STXBP5: variants seen among roughly 807,000 people sequenced by gnomAD.
STXBP5 encodes the protein syntaxin-binding protein 5.
A neutral mutation model predicts 152.4 loss-of-function variants in STXBP5; 50 were observed. That is an observed-to-expected ratio of 0.33 (90% CI 0.26 to 0.42). The LOEUF is 0.42. STXBP5 is among the 10% of genes least tolerant of loss of function. The pLI is 1.00. For missense variants in STXBP5, 1,167 were observed against 1,388.6 expected (o/e 0.84, Z 2.54); for synonymous variants, 492 against 494.7 (o/e 0.99, Z 0.07).
intron 2 of STXBP5, among the ~76,000 whole-genome samples, chr6:147,222,679 T>C (rs1373996116): frequency 6.6e-6 from 1 of 152,250 alleles, no homozygotes; most frequent in African/African-American, 2.4e-5. Context: ...GTCCTTGTTG[T>C]TAAGAACAGA....
chr6:147,239,564 T>C (rs1778438101), intron 4 of STXBP5, among the ~76,000 whole-genome samples: 1 of 152,214 alleles, frequency 6.6e-6, no homozygotes, highest in Non-Finnish European at 1.5e-5. Flanking sequence ...GGGAAGCTAT[T>C]ACATATTCTT....
intron 8 of STXBP5, among the ~76,000 whole-genome samples, chr6:147,279,620 A>G (rs763366945): frequency 2.2e-4 from 33 of 152,252 alleles, no homozygotes; most frequent in African/African-American, 2.6e-4. Flanking sequence ...TGTGACAGCA[A>G]TCATCTTCTG....
chr6:147,273,184 C>G lies in STXBP5; in HGVS notation c.715-4897C>G, dbSNP rs533931068. Among the ~76,000 whole-genome samples the G allele has an allele frequency of 5.9e-5, 3 of 50,440 alleles. No homozygotes were observed. The South Asian group carries it at 1.9e-3, about 32-fold the overall frequency. The allele number at this position is 50,440 out of a possible 152,430, so 33.1% of individuals were successfully genotyped here. On this transcript the variant is annotated intron_variant, in intron 7 of 27. Transcript: ENST00000321680. ...CATGGGCAACATAGCAAGACCCTGC[C>G]TCTAAAAAAGTAAAAAAAAAAAAAT... is the stretch of plus-strand genomic sequence containing the variant.
At chr6:147,240,446 T>A (rs1360248942) in intron 4 of STXBP5, among the ~76,000 whole-genome samples, 2 of 152,182 alleles carry the variant, frequency 1.3e-5, no homozygotes, top group Admixed American at 6.5e-5. Context: ...CAATCTTTTT[T>A]AATATATATT....
chr6:147,322,004 A>G (rs1408428382), intron 16 of STXBP5, among the ~76,000 whole-genome samples: 2 of 152,218 alleles, frequency 1.3e-5, no homozygotes, highest in Non-Finnish European at 2.9e-5. Flanking sequence ...AACTAAAATA[A>G]GAATTCCATG....
At chr6:147,364,676 CT>C (rs1215471954) in intron 25 of STXBP5, among the ~76,000 whole-genome samples, 1 of 151,966 alleles carries the variant, frequency 6.6e-6, no homozygotes, top group African/African-American at 2.4e-5. Flanking sequence ...GAAATGTGTC[CT>C]TTTTTAAGTA....
chr6:147,348,966 CT>C (rs1355407507), intron 21 of STXBP5, among the ~76,000 whole-genome samples: 5 of 152,014 alleles, frequency 3.3e-5, no homozygotes, highest in Admixed American at 1.3e-4. Context: ...AATGTTGCTT[CT>C]GACTATGGGC....
rs771055219 is a variant in STXBP5, at chr6:147,359,157, G to A, written c.2379G>A (p.Ala793=). ...VTSIDKESRE[A]ISALHFCETF... The stretch of plus-strand genomic sequence containing the variant: ...GCATTGACAAAGAATCCCGAGAAGC[G>A]ATCTCCGCTCTTCATTTCTGTGAAA... The change falls in exon 23 of 28, where the codon GCG becomes GCA. Residue 793 remains alanine (A), a synonymous_variant. Transcript: ENST00000321680. The A allele has an allele frequency of 1.1e-5, 17 of 1,613,886 alleles. No individual in the cohort carries two copies. The highest frequency in any genetic ancestry group is 1.6e-4 in the Middle Eastern group (1 of 6,082).
chr6:147,364,625 G>T (rs1172572327), intron 25 of STXBP5, among the ~76,000 whole-genome samples: 2 of 152,136 alleles, frequency 1.3e-5, no homozygotes, highest in African/African-American at 4.8e-5. Flanking sequence ...TATGTTGGTT[G>T]ATCTGTTTTT....
At chr6:147,384,183 T>A (rs1240822232) in intron 27 of STXBP5, among the ~76,000 whole-genome samples, 5 of 152,152 alleles carry the variant, frequency 3.3e-5, no homozygotes, top group African/African-American at 1.2e-4. Context: ...TTAGACTGCA[T>A]GGGCACAAAT....
chr6:147,282,166 G>A (rs748750947), intron 8 of STXBP5, among the ~76,000 whole-genome samples: 2 of 152,190 alleles, frequency 1.3e-5, no homozygotes, highest in Non-Finnish European at 2.9e-5. Context: ...GAATGGATTA[G>A]TGAACCCCCA....
intron 18 of STXBP5, 134 bp from the exon 19 acceptor site, chr6:147,334,023 G>C (rs901620522): frequency 1.4e-6 from 1 of 696,530 alleles, no homozygotes; most frequent in South Asian, 2.5e-5. Context: ...AATGTGCATG[G>C]TATCAGTACC....
At chr6:147,335,871 A>G (rs1783801821) in intron 19 of STXBP5, among the ~76,000 whole-genome samples, 1 of 152,256 alleles carries the variant, frequency 6.6e-6, no homozygotes, top group Non-Finnish European at 1.5e-5. Context: ...GAGAAACTCA[A>G]ACATGGTTCA....
chr6:147,362,097 C>T (rs1332148611), intron 23 of STXBP5, among the ~76,000 whole-genome samples: 1 of 151,910 alleles, frequency 6.6e-6, no homozygotes, highest in African/African-American at 2.4e-5. Context: ...GCTTTTGGGA[C>T]ATACTTATAC....
Position 147,349,102 on chromosome 6 carries a change from T to C in STXBP5, c.2255-4221T>C, listed in dbSNP as rs562558873. 2.0e-5 allele frequency among the ~76,000 whole-genome samples: 3 copies of C among 152,168 alleles called. No individual in the cohort carries two copies. The South Asian group carries it at 6.2e-4, about 32-fold the overall frequency. ...GATACAGTAAGAGAATATAATCTGA[T>C]ATAGCCCTCTGAATCTGTTAATTAA... On this transcript the variant is annotated intron_variant, in intron 21 of 27. Transcript: ENST00000321680.
intron 2 of STXBP5, among the ~76,000 whole-genome samples, chr6:147,222,379 G>T (rs186215606): frequency 6.6e-6 from 1 of 152,038 alleles, no homozygotes; most frequent in African/African-American, 2.4e-5. Flanking sequence ...GTAATGGTGT[G>T]GGGGGAAGGG....
intron 2 of STXBP5, among the ~76,000 whole-genome samples, chr6:147,218,701 G>C (rs888978683): frequency 6.6e-5 from 10 of 152,146 alleles, no homozygotes; most frequent in African/African-American, 2.2e-4. Context: ...GGCTTGTCTT[G>C]AACTCCTGGG....
intron 23 of STXBP5, among the ~76,000 whole-genome samples, chr6:147,361,176 G>T (rs187024834): frequency 4.1e-4 from 63 of 152,054 alleles, no homozygotes; most frequent in African/African-American, 1.3e-3. Context: ...AGGATTTGGG[G>T]TTACTTTTAT....
At chr6:147,242,171 TA>T (rs74855396) in intron 4 of STXBP5, among the ~76,000 whole-genome samples, 6,198 of 133,542 alleles carry the variant, frequency 0.046, 146 homozygotes, top group Non-Finnish European at 0.062. Context: ...GTCTTAGTTT[TA>T]AAAAAAAAAA....
Sources: allele counts gnomAD v4.1 joint callset (sites outside exome capture counted in the v4.1 genomes callset), GRCh38; gene constraint gnomAD v4.1.1; transcripts MANE v1.5; gene names NCBI Gene and HGNC (gene_info 2026-07-23, HGNC 2026-07-21).